NBAS: variants seen among roughly 807,000 people sequenced by gnomAD.
NBAS encodes NAG/BC035112 fusion.
NBAS carries 219 observed loss-of-function variants against 302.5 expected under a neutral mutation model. The observed-to-expected ratio is 0.72, with a 90% CI of 0.65 to 0.81. The LOEUF (loss-of-function observed/expected upper bound fraction) is 0.81. NBAS is among the 30% of genes least tolerant of loss of function. The pLI, the probability that NBAS is intolerant of heterozygous loss-of-function variation, is 0.00. For missense variants in NBAS, 2,932 were observed against 2,841.6 expected (o/e 1.03, Z -0.72); for synonymous variants, 1,118 against 1,021.6 (o/e 1.09, Z -1.80).
At chr2:15,456,116 G>T (rs1053046309) in intron 21 of NBAS, among the ~76,000 whole-genome samples, 1 of 152,152 alleles carries the variant, frequency 6.6e-6, no homozygotes, top group Non-Finnish European at 1.5e-5. Context: ...CATCAACTAT[G>T]ACAGCAAATG....
rs996180600 is a variant in NBAS, at chr2:15,389,808, G to C, written c.3257+4419C>G. On this transcript the variant is annotated intron_variant, in intron 28 of 51. Transcript: ENST00000281513. ...AGGTCTCACTCTGTCACCCAGACTG[G>C]AGTGCAGTGGCACGATCATGGCTCA... Among the ~76,000 whole-genome samples, 2 of 152,136 alleles carry C rather than the reference G, an allele frequency of 1.3e-5. 1 individual carries two copies. The highest frequency in any genetic ancestry group is 4.8e-5 in the African/African-American group (2 of 41,398).
chr2:14,961,279 C>T, the NBAS span, among the ~76,000 whole-genome samples: 3 of 152,202 alleles, frequency 2.0e-5, no homozygotes, highest in African/African-American at 7.2e-5. Context: ...TCTACTCCAA[C>T]TCTCATGTTA....
intron 40 of NBAS, 106 bp from the exon 41 acceptor site, chr2:15,292,872 G>A (rs185685772): frequency 4.6e-5 from 50 of 1,093,576 alleles, no homozygotes; most frequent in Non-Finnish European, 2.7e-6. Context: ...GTTTGGCCCT[G>A]TACACTATTG....
the NBAS span, among the ~76,000 whole-genome samples, chr2:14,949,904 G>A: frequency 6.6e-6 from 1 of 152,154 alleles, no homozygotes; most frequent in East Asian, 1.9e-4. Flanking sequence ...GTAGGCAGGA[G>A]GTGAAAAGGA....
At chr2:15,154,914 A>G in the NBAS span, among the ~76,000 whole-genome samples, 1 of 152,188 alleles carries the variant, frequency 6.6e-6, no homozygotes, top group Non-Finnish European at 1.5e-5. Flanking sequence ...CTACACGAAG[A>G]GGCTGGTGGA....
chr2:14,957,353 C>G, the NBAS span, among the ~76,000 whole-genome samples: 11 of 150,308 alleles, frequency 7.3e-5, no homozygotes, highest in African/African-American at 2.7e-4. Flanking sequence ...GTAATTTTTT[C>G]GTGACAAGGT....
At chr2:14,781,468 T>C in the NBAS span, among the ~76,000 whole-genome samples, 1 of 150,312 alleles carries the variant, frequency 6.7e-6, no homozygotes, top group Non-Finnish European at 1.5e-5. Context: ...AAAAAAAAAA[T>C]CTACAGGAAA....
chr2:14,872,974 C>T, the NBAS span, among the ~76,000 whole-genome samples: 133 of 152,228 alleles, frequency 8.7e-4, no homozygotes, highest in East Asian at 0.016. Flanking sequence ...CAGCGCAGAC[C>T]CAGTGAGCAG....
chr2:15,192,567 A>G (rs926332906), intron 48 of NBAS, among the ~76,000 whole-genome samples: 1 of 152,160 alleles, frequency 6.6e-6, no homozygotes, highest in African/African-American at 2.4e-5. Context: ...CAACTACACA[A>G]ATGATACTTT....
rs1188399180 is a variant in NBAS at position 15,461,687 on chromosome 2, C to CT, written c.2201dup (p.Glu735GlyfsTer3). 6.4e-7 allele frequency: 1 copy of CT among 1,550,738 alleles called. No homozygotes were observed. The highest frequency in any genetic ancestry group is 8.9e-7 in the Non-Finnish European group (1 of 1,125,210). ...ATTTTATTTACAAAAAGCAAATTAC[C>CT]TGAGCATAAGTTCTTGCTGAGAGAA... On this transcript the variant is annotated frameshift_variant and splice_region_variant, in exon 20 of 52. Coordinates refer to ENST00000281513, the MANE Select transcript of NBAS (RefSeq NM_015909.4). LOFTEE classifies it high-confidence loss of function.
At chr2:15,093,291 C>T in the NBAS span, among the ~76,000 whole-genome samples, 1 of 151,982 alleles carries the variant, frequency 6.6e-6, no homozygotes, top group Non-Finnish European at 1.5e-5. Flanking sequence ...TGGCACGTGC[C>T]GGTAATCTCA....
intron 12 of NBAS, among the ~76,000 whole-genome samples, chr2:15,479,846 C>T (rs1244885622): frequency 6.6e-6 from 1 of 152,188 alleles, no homozygotes; most frequent in Admixed American, 6.5e-5. Context: ...CTCTGTCATA[C>T]TCATCCCTGT....
chr2:15,070,454 G>C, the NBAS span, among the ~76,000 whole-genome samples: 38 of 152,256 alleles, frequency 2.5e-4, no homozygotes, highest in African/African-American at 7.7e-4. Context: ...CTGGGGTGTT[G>C]TTGGCCCCAT....
intron 44 of NBAS, among the ~76,000 whole-genome samples, chr2:15,241,955 G>C (rs555801161): frequency 6.6e-6 from 1 of 152,088 alleles, no homozygotes; most frequent in Non-Finnish European, 1.5e-5. Context: ...TTTACTTGCC[G>C]TCTTGTCTCA....
chr2:15,253,266 G>C (rs1221269009), intron 44 of NBAS, among the ~76,000 whole-genome samples: 2 of 152,190 alleles, frequency 1.3e-5, no homozygotes, highest in African/African-American at 4.8e-5. Flanking sequence ...AAAGGAGGGG[G>C]AATCAATTCT....
chr2:15,004,701 G>T, the NBAS span, among the ~76,000 whole-genome samples: 56 of 144,836 alleles, frequency 3.9e-4, no homozygotes, highest in Non-Finnish European at 5.9e-4. Flanking sequence ...TAGAGACAGG[G>T]TTGTGCAATG....
At chr2:15,041,590 C>CAAAT in the NBAS span, among the ~76,000 whole-genome samples, 2 of 152,192 alleles carry the variant, frequency 1.3e-5, no homozygotes, top group African/African-American at 2.4e-5. Flanking sequence ...CAGGGACAGA[C>CAAAT]AAATGGTCCT....
chr2:15,405,213 G>T (rs1676352025), intron 25 of NBAS, among the ~76,000 whole-genome samples: 2 of 152,110 alleles, frequency 1.3e-5, no homozygotes, highest in African/African-American at 2.4e-5. Context: ...CTCAACAGTT[G>T]CTAGTCCAGT....
chr2:15,486,005 C>A (rs1441984743), intron 12 of NBAS, among the ~76,000 whole-genome samples: 3 of 152,162 alleles, frequency 2.0e-5, no homozygotes, highest in East Asian at 3.9e-4. Context: ...TCTCAGAGGG[C>A]AGAGTCTGCC....
Sources: gnomAD v4.1 joint callset for allele counts (sites outside exome capture counted in the v4.1 genomes callset) on GRCh38, gnomAD v4.1.1 for gene constraint, MANE v1.5 for transcripts, NCBI Gene and HGNC (gene_info 2026-07-23, HGNC 2026-07-21) for gene names.